The following IL17RC variants were observed in gnomAD, a reference collection of about 807,000 sequenced individuals.
IL17RC encodes the protein interleukin 17 receptor C, also known as interleukin-17 receptor C.
Under a neutral mutation model 86.7 loss-of-function variants are expected in IL17RC, and 53 were observed. The ratio of observed to expected loss-of-function variants is 0.61; its 90% CI spans 0.49 to 0.77. IL17RC has a LOEUF of 0.77. Ranked by LOEUF, IL17RC falls within the 30% of genes least tolerant of loss-of-function variation. IL17RC has a pLI of 0.00. For synonymous variants in IL17RC, 439 were observed against 413.1 expected (o/e 1.06, Z -0.76); for missense variants, 957 against 940.0 (o/e 1.02, Z -0.24).
chr3:9,930,279 C>A lies in IL17RC; in HGVS notation c.1279-121C>A. The A allele has an allele frequency of 6.6e-7, 1 of 1,519,490 alleles. No homozygotes were observed. The highest frequency in any genetic ancestry group is 9.1e-7 in the Non-Finnish European group (1 of 1,103,032). The allele number at this position is 1,519,490 out of a possible 1,614,324, so 94.1% of individuals were successfully genotyped here. A position where few individuals can be genotyped will look rare whatever the true frequency, so the allele number is the denominator to read the frequency against. Reference sequence around the variant, plus strand: ...GGGTGACTCAGACCAGGGCCATATTCAGCGGCATCACCAAAGTCTCCCAGT... The same window carrying A: ...GGGTGACTCAGACCAGGGCCATATTAAGCGGCATCACCAAAGTCTCCCAGT... On this transcript the variant is annotated intron_variant, in intron 14 of 18. Coordinates refer to ENST00000403601, the MANE Select transcript of IL17RC (RefSeq NM_153460.4). This position sits in a 1 kb window ranked among gnomAD's most constrained non-coding sequence, Gnocchi z 5.8.
Position 9,931,197 on chromosome 3 carries a change from G to A in IL17RC, c.1387+254G>A, listed in dbSNP as rs111888336. Among the ~76,000 whole-genome samples the A allele has an allele frequency of 0.043, 6,598 of 152,090 alleles. 486 individuals carry two copies. Among genetic ancestry groups the A allele is most frequent in the African/African-American group, 0.15 (6,264 of 41,424 alleles). On this transcript the variant is annotated intron_variant, in intron 16 of 18. Coordinates refer to ENST00000403601, the MANE Select transcript of IL17RC (RefSeq NM_153460.4). ...GAGCCAGTCACTTACATTTAAAGTG[G>A]GAGCTACTGAAGCACCACCAAGTGT...
At chr3:9,928,771 G>A (rs1449262183) in intron 12 of IL17RC, 141 bp downstream of exon 12, 12 of 823,024 alleles carry the variant, frequency 1.5e-5, no homozygotes, top group East Asian at 2.4e-5. Flanking sequence ...CTTTAGTAGT[G>A]CGCGGGACCC....
intron 3 of IL17RC, 31 bp downstream of exon 3, chr3:9,918,106 G>C: frequency 1.3e-6 from 2 of 1,550,804 alleles, no homozygotes; most frequent in Non-Finnish European, 1.7e-6. Context: ...CAGTGCATGT[G>C]TACACGTGAG....
chr3:9,921,197 G>A (rs1243121825), intron 7 of IL17RC, among the ~76,000 whole-genome samples: 1 of 152,212 alleles, frequency 6.6e-6, no homozygotes, highest in African/African-American at 2.4e-5. Flanking sequence ...GCTCATGCCT[G>A]TAATCCCAGA....
chr3:9,921,518 TCTAA>T (rs764383080), intron 7 of IL17RC, among the ~76,000 whole-genome samples: 1 of 151,984 alleles, frequency 6.6e-6, no homozygotes. Flanking sequence ...AAGTCAAGGG[TCTAA>T]CTTTTTTCCC....
chr3:9,924,076 G>A (rs1455455785), intron 8 of IL17RC, 56 bp downstream of exon 8: 3 of 1,611,020 alleles, frequency 1.9e-6, no homozygotes, highest in Non-Finnish European at 2.5e-6. Flanking sequence ...CCTGTGCAAA[G>A]GACGCAGTGC....
chr3:9,933,385 T>G lies in IL17RC; in HGVS notation c.1955T>G (p.Val652Gly). 6.2e-7 allele frequency: 1 copy of G among 1,613,064 alleles called. No individual in the cohort carries two copies. Among genetic ancestry groups the G allele is most frequent in the South Asian group, 1.1e-5 (1 of 90,976 alleles). The change falls in exon 19 of 19, where the codon GTC becomes GGC. Residue 652 changes from valine (V) to glycine (G), a missense_variant. Coordinates refer to ENST00000403601, the MANE Select transcript of IL17RC (RefSeq NM_153460.4). Reference protein sequence around the residue: ...AVPALFRTVPVFTLPSQLPDF... With the variant: ...AVPALFRTVPGFTLPSQLPDF... ...CCCGCCCTTTTCCGCACCGTGCCCG[T>G]CTTCACACTGCCCTCCCAACTGCCA...
chr3:9,922,131 T>C (rs1464457522), intron 7 of IL17RC, among the ~76,000 whole-genome samples: 1 of 151,672 alleles, frequency 6.6e-6, no homozygotes, highest in Non-Finnish European at 1.5e-5. Context: ...TTTTGTATTT[T>C]TAGTAGACAT....
chr3:9,917,398 A>C lies in IL17RC; in HGVS notation c.83A>C (p.Gln28Pro). Reference sequence around the variant, plus strand: ...TCTCTGGAGAGGCTTGTGGGGCCTCAGGACGCTACCCACTGCTCTCCGGTG... The same window carrying C: ...TCTCTGGAGAGGCTTGTGGGGCCTCCGGACGCTACCCACTGCTCTCCGGTG... ...VLSLERLVGPQDATHCSPGLS... is the reference protein window; with the variant it reads ...VLSLERLVGPPDATHCSPGLS... The change falls in exon 1 of 19, where the codon CAG (glutamine) becomes CCG (proline). Residue 28 changes from glutamine (Q) to proline (P), a missense_variant. Physicochemically the swap from Gln to Pro is moderately conservative, Grantham distance 76. Coordinates refer to ENST00000403601, the MANE Select transcript of IL17RC (RefSeq NM_153460.4). 2.5e-6 allele frequency: 4 copies of C among 1,614,168 alleles called. No homozygotes were observed. Among genetic ancestry groups the C allele is most frequent in the Non-Finnish European group, 3.4e-6 (4 of 1,179,998 alleles).
In IL17RC at chr3:9,918,069, G is replaced by A. The variant is rs143412184; in HGVS notation, c.274G>A (p.Val92Met). 2.7e-3 allele frequency: 4,235 copies of A among 1,576,478 alleles called. 10 individuals are homozygous for A. Among genetic ancestry groups the A allele is most frequent in the Non-Finnish European group, 3.3e-3 (3,808 of 1,160,996 alleles). ...TCTGCGTGTGGCTGTCCACTTGGCC[G>A]TGCATGGTGAGCAAGTCATCCTGTG... is the stretch of plus-strand genomic sequence containing the variant. ...LCLRVAVHLA[V>M]HGHWEEPEDE... The change falls in exon 3 of 19, where the codon GTG (valine) becomes ATG (methionine). Residue 92 changes from valine to methionine, a missense_variant. Val to Met is a conservative substitution (Grantham distance 21, BLOSUM62 1). Transcript: ENST00000403601.
chr3:9,929,224 G>A (rs1454350713), intron 12 of IL17RC: 1 of 154,096 alleles, frequency 6.5e-6, no homozygotes, highest in African/African-American at 2.4e-5. Flanking sequence ...TGGGGCAGGA[G>A]AATGGCGTGA....
chr3:9,922,772 T>C (rs1432330115), intron 7 of IL17RC, among the ~76,000 whole-genome samples: 1 of 152,050 alleles, frequency 6.6e-6, no homozygotes, highest in Non-Finnish European at 1.5e-5. Context: ...GGTCTCATTC[T>C]GGTGAGCAGA....
chr3:9,928,516 T>G (rs1261528222), intron 11 of IL17RC, 30 bp downstream of exon 11: 1 of 1,613,224 alleles, frequency 6.2e-7, no homozygotes, highest in Admixed American at 1.7e-5. Context: ...CCTCCCGTGG[T>G]GAGGGGAGAG....
intron 8 of IL17RC, 78 bp downstream of exon 8, chr3:9,924,098 G>C (rs746785131): frequency 1.9e-5 from 31 of 1,610,162 alleles, no homozygotes; most frequent in Non-Finnish European, 2.5e-5. Context: ...ATATCAGAGA[G>C]GATCCTTGAA....
rs946265740 is a variant in IL17RC at position 9,918,947 on chromosome 3, C to A, written c.465+338C>A. The stretch of plus-strand genomic sequence containing the variant: ...TTTTTCAGGGTGCTTCTACTATTTT[C>A]CCCTCCTACCAGCAGTGTATGGGAG... On this transcript the variant is annotated intron_variant, in intron 5 of 18. Transcript: ENST00000403601. 10 of 253,474 alleles carry A rather than the reference C, an allele frequency of 3.9e-5. No individual in the cohort carries two copies. The Admixed American group carries it at 4.6e-4, about 12-fold the overall frequency. The allele number at this position is 253,474 out of a possible 1,614,324, so 15.7% of individuals were successfully genotyped here. A position where few individuals can be genotyped will look rare whatever the true frequency, so the allele number is the denominator to read the frequency against.
Position 9,918,514 on chromosome 3 carries a change from C to A in IL17RC, c.370C>A (p.Gln124Lys), listed in dbSNP as rs2083292982. The change falls in exon 5 of 19, where the codon CAA becomes AAA. Residue 124 changes from glutamine (Q) to lysine (K), a missense_variant. Physicochemically the swap from Gln to Lys is moderately conservative, Grantham distance 53. Transcript: ENST00000403601. ...GTTGCCCACAGCCTCTCTCCAGGCCCAAGTCGTGCTCTCCTTCCAGGCCTA... is the reference window on the plus strand; with the variant it reads ...GTTGCCCACAGCCTCTCTCCAGGCCAAAGTCGTGCTCTCCTTCCAGGCCTA... Reference protein sequence around the residue: ...EEPRNASLQAQVVLSFQAYPT... With the variant: ...EEPRNASLQAKVVLSFQAYPT... The A allele has an allele frequency of 6.2e-7, 1 of 1,613,996 alleles. No homozygotes were observed. The highest frequency in any genetic ancestry group is 1.3e-5 in the African/African-American group (1 of 74,942).
chr3:9,921,011 G>A, intron 7 of IL17RC, 42 bp downstream of exon 7: 1 of 1,383,270 alleles, frequency 7.2e-7, no homozygotes, highest in Non-Finnish European at 9.9e-7. Flanking sequence ...GGAGGGGCAG[G>A]GTCTGGAGTA....
In IL17RC at chr3:9,933,269, C is replaced by G; in HGVS notation, c.1839C>G (p.Leu613=). 1 of 1,604,216 alleles carries G rather than the reference C, an allele frequency of 6.2e-7. No individual in the cohort carries two copies. Among genetic ancestry groups the G allele is most frequent in the Non-Finnish European group, 8.5e-7 (1 of 1,175,648 alleles). The stretch of plus-strand genomic sequence containing the variant: ...CGCACGACGCCTTCCGCGCCTCGCT[C>G]AGCTGCGTGCTGCCCGACTTCTTGC... ...HGPHDAFRAS[L]SCVLPDFLQG... The change falls in exon 19 of 19, where the codon CTC becomes CTG. Residue 613 remains leucine (L), a synonymous_variant. Coordinates refer to ENST00000403601, the MANE Select transcript of IL17RC (RefSeq NM_153460.4).
Position 9,920,589 on chromosome 3 carries a change from AC to A in IL17RC, c.565del (p.Gln189SerfsTer37), listed in dbSNP as rs769132500. On this transcript the variant is annotated frameshift_variant, in exon 6 of 19. Transcript: ENST00000403601. LOFTEE classifies it high-confidence loss of function. ...PRYEKELNHT[Q>X]QLPDCRGLEV... Reference sequence around the variant, plus strand: ...GGTACGAGAAGGAACTCAACCACACACAGCAGCTGCCTGGTAAGTGGACCCC... The same window carrying A: ...GGTACGAGAAGGAACTCAACCACACAAGCAGCTGCCTGGTAAGTGGACCCC... 3.1e-6 allele frequency: 5 copies of A among 1,602,492 alleles called. No individual in the cohort carries two copies. The highest frequency in any genetic ancestry group is 4.3e-6 in the Non-Finnish European group (5 of 1,172,970).
Sources: allele counts gnomAD v4.1 joint callset (sites outside exome capture counted in the v4.1 genomes callset), GRCh38; gene constraint gnomAD v4.1.1; non-coding constraint Gnocchi (gnomAD v3.1); transcripts MANE v1.5; gene names NCBI Gene and HGNC (gene_info 2026-07-23, HGNC 2026-07-21).